Variants in SCD5 observed in about 807,000 individuals in gnomAD.
The protein encoded by SCD5 is acyl-CoA-desaturase 4.
A neutral mutation model predicts 30.4 loss-of-function variants in SCD5; 20 were observed. The observed-to-expected ratio is 0.66, with a 90% confidence interval of 0.46 to 0.96. SCD5 has a LOEUF of 0.96. SCD5 is among the 40% of genes least tolerant of loss of function. The pLI, the probability that SCD5 is intolerant of heterozygous loss-of-function variation, is 0.00. For synonymous variants in SCD5, 173 were observed against 176.4 expected, an observed-to-expected ratio of 0.98 and a Z score of 0.16; for missense variants, 381 against 443.3, an observed-to-expected ratio of 0.86 and a Z score of 1.26.
intron 2 of SCD5, among the ~76,000 whole-genome samples, chr4:82,695,582 A>G (rs1332077473): frequency 6.6e-6 from 1 of 152,204 alleles, no homozygotes; most frequent in Non-Finnish European, 1.5e-5. Flanking sequence ...AGGTAGAGTC[A>G]CAACTTTGAT....
chr4:82,635,656 G>A (rs1727412157), intron 4 of SCD5, among the ~76,000 whole-genome samples: 2 of 147,096 alleles, frequency 1.4e-5, no homozygotes, highest in Non-Finnish European at 3.0e-5. Context: ...ACGAAGGCTT[G>A]TTTCATACAA....
intron 3 of SCD5, chr4:82,661,150 C>T: frequency 7.6e-7 from 1 of 1,307,912 alleles, no homozygotes; most frequent in Non-Finnish European, 1.1e-6. Flanking sequence ...TTCTCTAGTG[C>T]TCCTGTAGAA....
intron 3 of SCD5, among the ~76,000 whole-genome samples, chr4:82,658,401 T>C (rs949749657): frequency 2.0e-5 from 3 of 152,064 alleles, no homozygotes; most frequent in African/African-American, 7.2e-5. Flanking sequence ...TTACGTTTAT[T>C]GATATGTGTA....
chr4:82,761,651 A>G (rs1721370641), intron 1 of SCD5, among the ~76,000 whole-genome samples: 2 of 151,814 alleles, frequency 1.3e-5, no homozygotes, highest in Non-Finnish European at 2.9e-5. Context: ...ACATATGTAT[A>G]CATGTGCCAT....
intron 1 of SCD5, among the ~76,000 whole-genome samples, chr4:82,725,867 GAAA>G (rs1304368137): frequency 2.1e-5 from 1 of 48,424 alleles, no homozygotes; most frequent in Non-Finnish European, 3.8e-5. Flanking sequence ...TTCAAAAAAA[GAAA>G]AAAAAAGAAA....
intron 1 of SCD5, among the ~76,000 whole-genome samples, chr4:82,772,341 C>T (rs2148848893): frequency 6.6e-6 from 1 of 152,350 alleles, no homozygotes; most frequent in Middle Eastern, 3.4e-3. Flanking sequence ...TCTTCAGTTA[C>T]AGAGTAGAGT....
At chr4:82,795,809 CAAA>C (rs72115040) in intron 1 of SCD5, among the ~76,000 whole-genome samples, 7 of 43,902 alleles carry the variant, frequency 1.6e-4, no homozygotes, top group Admixed American at 3.3e-4. Context: ...CCCTGTCTCA[CAAA>C]AAAAAAAAAA....
intron 3 of SCD5, among the ~76,000 whole-genome samples, chr4:82,653,676 T>TGATTGATAGATAGATA (rs1553914400): frequency 1.5e-5 from 2 of 136,554 alleles, no homozygotes; most frequent in Admixed American, 1.5e-4. Context: ...TGAAAGTCAA[T>TGATTGATAGATAGATA]GATAGATAGA....
chr4:82,671,207 T>A (rs868688158), intron 3 of SCD5, among the ~76,000 whole-genome samples: 1 of 152,162 alleles, frequency 6.6e-6, no homozygotes, highest in Non-Finnish European at 1.5e-5. Flanking sequence ...CCTTAATGTG[T>A]ATGCACCTAA....
At chr4:82,701,890 C>T (rs72661286) in intron 2 of SCD5, among the ~76,000 whole-genome samples, 3,089 of 152,256 alleles carry the variant, frequency 0.02, 57 homozygotes, top group South Asian at 0.091. Context: ...TGAATCCTGG[C>T]TCTTCCTTGT....
chr4:82,741,433 G>A (rs1720870610), intron 1 of SCD5, among the ~76,000 whole-genome samples: 1 of 152,122 alleles, frequency 6.6e-6, no homozygotes, highest in South Asian at 2.1e-4. Flanking sequence ...GAAGCCATGA[G>A]ACAGAAAACC....
At chr4:82,737,690 T>A (rs1442214011) in intron 1 of SCD5, among the ~76,000 whole-genome samples, 1 of 152,238 alleles carries the variant, frequency 6.6e-6, no homozygotes, top group Non-Finnish European at 1.5e-5. Flanking sequence ...AGGGATACTA[T>A]TTTCATGCTT....
At chr4:82,729,998 A>G (rs4693504) in intron 1 of SCD5, among the ~76,000 whole-genome samples, 78,959 of 151,740 alleles carry the variant, frequency 0.52, 21,387 homozygotes, top group African/African-American at 0.67. Context: ...AAACTTTACT[A>G]TTCTTTTAAG....
chr4:82,642,266 T>C (rs913047078), intron 3 of SCD5, among the ~76,000 whole-genome samples: 1 of 152,156 alleles, frequency 6.6e-6, no homozygotes, highest in Non-Finnish European at 1.5e-5. Context: ...TCTTAAACCC[T>C]GAATGTCTGA....
intron 1 of SCD5, among the ~76,000 whole-genome samples, chr4:82,732,267 A>G (rs1720660554): frequency 6.6e-6 from 1 of 151,880 alleles, no homozygotes; most frequent in African/African-American, 2.4e-5. Context: ...TAATTTTTGT[A>G]TGTTTTTAGA....
chr4:82,766,810 T>C (rs1385582872), intron 1 of SCD5, among the ~76,000 whole-genome samples: 1 of 152,188 alleles, frequency 6.6e-6, no homozygotes, highest in Non-Finnish European at 1.5e-5. Flanking sequence ...CCAGAGTAGC[T>C]GGGACTACAA....
At chr4:82,680,587 G>C in intron 3 of SCD5, 120 bp downstream of exon 3, 1 of 880,378 alleles carries the variant, frequency 1.1e-6, no homozygotes, top group Non-Finnish European at 1.8e-6. Flanking sequence ...TTATAAATAT[G>C]GCAAAATTGT....
At chr4:82,750,873 G>C (rs939661503) in intron 1 of SCD5, among the ~76,000 whole-genome samples, 4 of 152,212 alleles carry the variant, frequency 2.6e-5, no homozygotes, top group Non-Finnish European at 4.4e-5. Flanking sequence ...AAATGCCAAA[G>C]AACTTACCTT....
chr4:82,688,626 C>T (rs768129466), intron 2 of SCD5, among the ~76,000 whole-genome samples: 1 of 152,222 alleles, frequency 6.6e-6, no homozygotes, highest in Non-Finnish European at 1.5e-5. Flanking sequence ...CAGCAGTCCA[C>T]ACCACCTGGC....
Sources: allele counts gnomAD v4.1 joint callset (sites outside exome capture counted in the v4.1 genomes callset), GRCh38; gene constraint gnomAD v4.1.1; transcripts MANE v1.5; gene names NCBI Gene and HGNC (gene_info 2026-07-23, HGNC 2026-07-21).